Variants in FAT1 observed in about 807,000 individuals in gnomAD.
The protein encoded by FAT1 is FAT atypical cadherin 1, also known as protocadherin Fat 1.
FAT1 carries 171 observed loss-of-function variants against 329.8 expected under a neutral mutation model. The observed-to-expected ratio is 0.52, with a 90% CI of 0.46 to 0.59. FAT1 has a LOEUF of 0.59. FAT1 is among the 20% of genes least tolerant of loss of function. The pLI, the probability that FAT1 is intolerant of heterozygous loss-of-function variation, is 0.00. For synonymous variants in FAT1, 2,233 were observed against 2,228.6 expected, an observed-to-expected ratio of 1.00 and a Z score of -0.06; for missense variants, 5,672 against 5,774.4, an observed-to-expected ratio of 0.98 and a Z score of 0.57.
intron 3 of FAT1, 91 bp from the exon 4 acceptor site, chr4:186,639,874 A>T (rs1000454809): frequency 1.5e-5 from 16 of 1,087,352 alleles, no homozygotes; most frequent in Non-Finnish European, 2.0e-5. Context: ...CAGGTGCGGT[A>T]GCTCATGCCT....
Position 186,633,797 on chromosome 4 carries a change from C to T in FAT1, c.4210G>A (p.Val1404Met). 5.0e-6 allele frequency: 8 copies of T among 1,613,930 alleles called. No homozygotes were observed. Among genetic ancestry groups the T allele is most frequent in the South Asian group, 2.2e-5 (2 of 91,080 alleles). Residue 1404 changes from valine (V) to methionine (M), a missense_variant, in exon 7 of 27, where the codon GTG becomes ATG. Around this residue, in one of 2 missense-constraint regions of FAT1, gnomAD observed 3,966 missense variants for 3,915.2 expected, o/e 1.01. Coordinates refer to ENST00000441802, the MANE Select transcript of FAT1 (RefSeq NM_005245.4). Reference sequence around the variant, plus strand: ...ATGATGGTTCCAGTTCCCTTGTCCACATCGAAGTGACTGTCGTAGTTGCCA... The same window carrying T: ...ATGATGGTTCCAGTTCCCTTGTCCATATCGAAGTGACTGTCGTAGTTGCCA... ...TGGNYDSHFDVDKGTGTIIVA... is the reference protein window; with the variant it reads ...TGGNYDSHFDMDKGTGTIIVA...
chr4:186,724,406 G>T (rs550482017), upstream of FAT1, among the ~76,000 whole-genome samples: 12 of 152,218 alleles, frequency 7.9e-5, no homozygotes, highest in Non-Finnish European at 1.5e-4. The surrounding 1 kb of genome is among the most constrained non-coding windows in gnomAD (Gnocchi z 5.3). Context: ...AAATGGAAAC[G>T]CTTCCCCCGC....
At chr4:186,706,137 C>T (rs1022436595) in intron 2 of FAT1, among the ~76,000 whole-genome samples, 6 of 152,146 alleles carry the variant, frequency 3.9e-5, no homozygotes, top group Non-Finnish European at 8.8e-5. Flanking sequence ...TGTGCAACAA[C>T]CTCTGAATGG....
chr4:186,607,978 T>G (rs1233288399), intron 16 of FAT1, among the ~76,000 whole-genome samples: 1 of 152,208 alleles, frequency 6.6e-6, no homozygotes, highest in Non-Finnish European at 1.5e-5. Flanking sequence ...TGAGTAATTC[T>G]GCCTGAATAT....
intron 20 of FAT1, 29 bp from the exon 21 acceptor site, chr4:186,601,455 C>G (rs1451646482): frequency 6.3e-7 from 1 of 1,586,980 alleles, no homozygotes; most frequent in Non-Finnish European, 8.6e-7. Context: ...AAAAAATAAA[C>G]CAGAACCAAG....
At chr4:186,710,726 G>C (rs2126708351) in intron 1 of FAT1, among the ~76,000 whole-genome samples, 1 of 152,054 alleles carries the variant, frequency 6.6e-6, no homozygotes, top group Non-Finnish European at 1.5e-5. Context: ...TGTCACCCTG[G>C]GCCCCTCCAT....
At chr4:186,599,264 C>T (rs1462747807) in intron 22 of FAT1, among the ~76,000 whole-genome samples, 2 of 152,154 alleles carry the variant, frequency 1.3e-5, no homozygotes, top group African/African-American at 2.4e-5. Context: ...TTTGGAAATC[C>T]CACTTAATGA....
Position 186,693,393 on chromosome 4 carries a change from C to T in FAT1, c.3265+13170G>A, listed in dbSNP as rs188771999. 1.2e-4 allele frequency among the ~76,000 whole-genome samples: 13 copies of T among 104,332 alleles called. 2 individuals are homozygous for T. The South Asian group carries it at 1.7e-3, about 13-fold the overall frequency. The allele number at this position is 104,332 out of a possible 152,430, so 68.4% of individuals were successfully genotyped here. A position where few individuals can be genotyped will look rare whatever the true frequency, so the allele number is the denominator to read the frequency against. On this transcript the variant is annotated intron_variant, in intron 2 of 26. Transcript: ENST00000441802. The stretch of plus-strand genomic sequence containing the variant: ...TGGATGAACGAACTGTGTCACAGCA[C>T]GTGGGAGATGACAGTGGAGGAGTTC...
At chr4:186,691,484 A>G (rs1743759512) in intron 2 of FAT1, among the ~76,000 whole-genome samples, 2 of 152,138 alleles carry the variant, frequency 1.3e-5, no homozygotes, top group Admixed American at 6.5e-5. Context: ...TCATGAGAAA[A>G]TTTTTTGTTA....
At chr4:186,692,281 A>G (rs1209744229) in intron 2 of FAT1, among the ~76,000 whole-genome samples, 1 of 151,914 alleles carries the variant, frequency 6.6e-6, no homozygotes, top group Non-Finnish European at 1.5e-5. Context: ...CAAAATACTA[A>G]GTGGTATTAA....
At chr4:186,683,367 G>A (rs565773127) in intron 2 of FAT1, among the ~76,000 whole-genome samples, 6 of 152,044 alleles carry the variant, frequency 3.9e-5, no homozygotes, top group African/African-American at 1.2e-4. Context: ...GTGGAGTCCT[G>A]GGCTCCAAGA....
In FAT1 at chr4:186,636,701, C is replaced by G. The variant is rs748270206; in HGVS notation, c.3856G>C (p.Glu1286Gln). The G allele has an allele frequency of 7.4e-6, 12 of 1,613,764 alleles. No individual in the cohort carries two copies. The highest frequency in any genetic ancestry group is 5.0e-5 in the Admixed American group (3 of 59,996). Residue 1286 changes from glutamate (E) to glutamine (Q), a missense_variant, in exon 5 of 27, where the codon GAA becomes CAA. Around this residue, in one of 2 missense-constraint regions of FAT1, gnomAD observed 3,966 missense variants for 3,915.2 expected, o/e 1.01. Coordinates refer to ENST00000441802, the MANE Select transcript of FAT1 (RefSeq NM_005245.4). The part of the protein sequence containing the change: ...ATDKDEGPNA[E>Q]ISYSIEDGNE... ...CCGTCTTCGATGCTGTAGGAGATTTCTGCATTGGGGCCCTCATCCTTGTCG... is the reference window on the plus strand; with the variant it reads ...CCGTCTTCGATGCTGTAGGAGATTTGTGCATTGGGGCCCTCATCCTTGTCG...
intron 2 of FAT1, among the ~76,000 whole-genome samples, chr4:186,694,709 T>C (rs576172178): frequency 6.6e-6 from 1 of 152,302 alleles, no homozygotes; most frequent in South Asian, 2.1e-4. Context: ...ACACCAGTAA[T>C]CCCAGCATTT....
At chr4:186,631,384 CACT>C (rs2126551001) in intron 7 of FAT1, among the ~76,000 whole-genome samples, 5 of 151,558 alleles carry the variant, frequency 3.3e-5, no homozygotes, top group African/African-American at 1.2e-4. Flanking sequence ...CCTAGTGTCT[CACT>C]GCCCAGCTGA....
Position 186,618,873 on chromosome 4 carries a change from C to G in FAT1, c.7713G>C (p.Lys2571Asn), listed in dbSNP as rs770004405. 6.2e-6 allele frequency: 10 copies of G among 1,613,918 alleles called. No individual in the cohort carries two copies. In the East Asian group the frequency reaches 2.0e-4, roughly 32 times the overall value. Residue 2571 changes from lysine (K) to asparagine (N), a missense_variant, in exon 10 of 27, where the codon AAG becomes AAC. Physicochemically the swap from Lys to Asn is moderately conservative, Grantham distance 94. Transcript: ENST00000441802. Reference sequence around the variant, plus strand: ...AGAAAGCAACTTTTCCTCCAGCATCCTTAGCCATTAAACGGACTGAGATCA... The same window carrying G: ...AGAAAGCAACTTTTCCTCCAGCATCGTTAGCCATTAAACGGACTGAGATCA... ...EKVISVRLMA[K>N]DAGGKVAFCT...
At chr4:186,675,167 T>C (rs1159816098) in intron 2 of FAT1, among the ~76,000 whole-genome samples, 1 of 152,242 alleles carries the variant, frequency 6.6e-6, no homozygotes, top group Non-Finnish European at 1.5e-5. Context: ...TCTTGAATAC[T>C]GTTATTAACT....
At chr4:186,683,612 AG>A (rs1743326217) in intron 2 of FAT1, among the ~76,000 whole-genome samples, 1 of 152,146 alleles carries the variant, frequency 6.6e-6, no homozygotes, top group African/African-American at 2.4e-5. Flanking sequence ...CAGGACCTAC[AG>A]CAGGACTTGC....
chr4:186,706,921 G>T lies in FAT1; in HGVS notation c.2907C>A (p.His969Gln), dbSNP rs770894442. Reference protein sequence around the residue: ...SGQVRYSLLDHGEGNFDVDKL... With the variant: ...SGQVRYSLLDQGEGNFDVDKL... ...TATCCACATCGAAGTTTCCTTCTCC[G>T]TGGTCCAGAAGGCTGTATCTCACCT... is the stretch of plus-strand genomic sequence containing the variant. Residue 969 changes from histidine to glutamine, a missense_variant, in exon 2 of 27, where the codon CAC becomes CAA. Transcript: ENST00000441802. 5.0e-6 allele frequency: 8 copies of T among 1,613,840 alleles called. No individual in the cohort carries two copies. The highest frequency in any genetic ancestry group is 1.6e-4 in the Middle Eastern group (1 of 6,084).
At chr4:186,683,381 G>A (rs1179431497) in intron 2 of FAT1, among the ~76,000 whole-genome samples, 1 of 152,082 alleles carries the variant, frequency 6.6e-6, no homozygotes, top group South Asian at 2.1e-4. Context: ...TCCAAGAAGG[G>A]CACAGCACCG....
Sources: gnomAD v4.1 joint callset for allele counts (sites outside exome capture counted in the v4.1 genomes callset) on GRCh38, gnomAD v4.1.1 for gene constraint, gnomAD v4.1.1 regional missense constraint, Gnocchi (gnomAD v3.1) non-coding constraint, MANE v1.5 for transcripts, NCBI Gene and HGNC (gene_info 2026-07-23, HGNC 2026-07-21) for gene names.